ZDHHC13: variants seen among roughly 807,000 people sequenced by gnomAD.
The protein encoded by ZDHHC13 is zDHHC palmitoyltransferase 13, also known as palmitoyltransferase ZDHHC13.
In ZDHHC13, 85 loss-of-function variants were observed where a neutral mutation model predicts 86.0. The observed-to-expected ratio is 0.99, with a 90% CI of 0.83 to 1.18. The LOEUF is 1.18. Among genes scored for constraint, ZDHHC13 ranks in the 50% most tolerant of loss-of-function variants. The pLI is 0.00. For synonymous variants in ZDHHC13, 263 were observed against 246.4 expected (o/e 1.07, Z -0.63); for missense variants, 711 against 730.2 (o/e 0.97, Z 0.30).
chr11:19,124,425 C>T (rs1848826810), intron 1 of ZDHHC13, among the ~76,000 whole-genome samples: 1 of 151,872 alleles, frequency 6.6e-6, no homozygotes, highest in Non-Finnish European at 1.5e-5. Flanking sequence ...AGGAAAGAGT[C>T]CGGATTGTTA....
In ZDHHC13 at chr11:19,152,290, T is replaced by C. The variant is rs1464008001; in HGVS notation, c.717T>C (p.Ala239=). The C allele has an allele frequency of 6.2e-7, 1 of 1,613,188 alleles. No homozygotes were observed. The highest frequency in any genetic ancestry group is 1.7e-5 in the Admixed American group (1 of 59,958). The change falls in exon 7 of 17, where the codon GCT becomes GCC. Residue 239 remains alanine (A), a synonymous_variant. Transcript: ENST00000446113. The part of the protein sequence containing the change: ...NVNAVDKLLE[A]GSSLDIQNVK... Reference sequence around the variant, plus strand: ...ATGCAGTTGATAAGCTTTTGGAAGCTGGTTCTAGCCTGGATATCCAGAATG... The same window carrying C: ...ATGCAGTTGATAAGCTTTTGGAAGCCGGTTCTAGCCTGGATATCCAGAATG...
intron 1 of ZDHHC13, among the ~76,000 whole-genome samples, chr11:19,140,672 T>C (rs906928889): frequency 6.6e-6 from 1 of 152,004 alleles, no homozygotes; most frequent in African/African-American, 2.4e-5. Flanking sequence ...AACCCAAATG[T>C]CCAACAATGA....
chr11:19,150,852 T>G, intron 6 of ZDHHC13, 61 bp downstream of exon 6: 1 of 1,494,616 alleles, frequency 6.7e-7, no homozygotes, highest in Non-Finnish European at 9.3e-7. Context: ...TTTCTGTGTA[T>G]GTAATTTTAA....
chr11:19,175,268 T>C (rs1850328430), intron 16 of ZDHHC13, among the ~76,000 whole-genome samples: 1 of 151,480 alleles, frequency 6.6e-6, no homozygotes, highest in South Asian at 2.1e-4. Flanking sequence ...TGGGCGCCTA[T>C]AGTCCCAGCT....
chr11:19,134,142 A>C (rs904984141), intron 1 of ZDHHC13, among the ~76,000 whole-genome samples: 3 of 151,958 alleles, frequency 2.0e-5, no homozygotes. Flanking sequence ...AATTTCTGAT[A>C]CATTTATTTA....
chr11:19,129,660 T>C (rs937491254), intron 1 of ZDHHC13, among the ~76,000 whole-genome samples: 6 of 152,174 alleles, frequency 3.9e-5, no homozygotes, highest in Admixed American at 3.9e-4. Flanking sequence ...GTATAGTCTT[T>C]TTTATATATT....
chr11:19,149,305 A>G lies in ZDHHC13; in HGVS notation c.493A>G (p.Ile165Val). Residue 165 changes from isoleucine (I) to valine (V), a missense_variant, in exon 5 of 17, where the codon ATA becomes GTA. Coordinates refer to ENST00000446113, the MANE Select transcript of ZDHHC13 (RefSeq NM_019028.3). Reference protein sequence around the residue: ...LAVLFQHMPIIAYLISKGQSV... With the variant: ...LAVLFQHMPIVAYLISKGQSV... ...AGTATTGTTTCAACACATGCCTATT[A>G]TAGCATATCTCATCTCAAAGGGACA... 6.2e-7 allele frequency: 1 copy of G among 1,602,428 alleles called. No homozygotes were observed.
chr11:19,152,544 C>G lies in ZDHHC13; in HGVS notation c.748-15C>G. 1 of 1,584,896 alleles carries G rather than the reference C, an allele frequency of 6.3e-7. No homozygotes were observed. ...TAAAAATACTTTTAAACTTTTTACCCTACTCTTTTTTAAGGGAGAAACACC... is the reference window on the plus strand; with the variant it reads ...TAAAAATACTTTTAAACTTTTTACCGTACTCTTTTTTAAGGGAGAAACACC... On this transcript the variant is annotated splice_polypyrimidine_tract_variant and intron_variant, in intron 7 of 16. Transcript: ENST00000446113.
In ZDHHC13 at chr11:19,165,364, A is replaced by G. The variant is rs545389935; in HGVS notation, c.1390+219A>G. Among the ~76,000 whole-genome samples the G allele has an allele frequency of 1.1e-3, 169 of 152,314 alleles. 1 individual carries two copies. Among genetic ancestry groups the G allele is most frequent in the African/African-American group, 4.1e-3 (169 of 41,558 alleles). On this transcript the variant is annotated intron_variant, in intron 13 of 16. Coordinates refer to ENST00000446113, the MANE Select transcript of ZDHHC13 (RefSeq NM_019028.3). Reference sequence around the variant, plus strand: ...CAGGCCTGTGAAGTAGACAGAAAAAATATTATCTCCATATTACTTGTAAAA... The same window carrying G: ...CAGGCCTGTGAAGTAGACAGAAAAAGTATTATCTCCATATTACTTGTAAAA...
At position 19,145,141 on chromosome 11, in the gene ZDHHC13, G is replaced by A. The variant is rs79007696; in HGVS notation, c.174-1040G>A. Among the ~76,000 whole-genome samples, 1,043 of 151,896 alleles carry A rather than the reference G, an allele frequency of 6.9e-3. 9 individuals are homozygous for A. The highest frequency in any genetic ancestry group is 0.024 in the African/African-American group (985 of 41,416). ...AAAAAATATTGCTAATAAATGATTT[G>A]CCTCTTTATTCTCTATGAAATATGT... is the stretch of plus-strand genomic sequence containing the variant. On this transcript the variant is annotated intron_variant, in intron 2 of 16. Coordinates refer to ENST00000446113, the MANE Select transcript of ZDHHC13 (RefSeq NM_019028.3).
intron 1 of ZDHHC13, among the ~76,000 whole-genome samples, chr11:19,126,342 CTT>C (rs10629803): frequency 7.4e-6 from 1 of 135,564 alleles, no homozygotes; most frequent in Non-Finnish European, 1.5e-5. Flanking sequence ...TTTTCTTTTT[CTT>C]TTTTTTTTTT....
At chr11:19,151,312 T>A (rs1403415168) in intron 6 of ZDHHC13, among the ~76,000 whole-genome samples, 1 of 152,066 alleles carries the variant, frequency 6.6e-6, no homozygotes, top group African/African-American at 2.4e-5. Flanking sequence ...AAACACATGA[T>A]TAATGACCAC....
At chr11:19,145,973 G>T (rs889666217) in intron 2 of ZDHHC13, among the ~76,000 whole-genome samples, 1 of 152,182 alleles carries the variant, frequency 6.6e-6, no homozygotes, top group African/African-American at 2.4e-5. Flanking sequence ...ACTCCAAAGA[G>T]ATTAATCTGA....
chr11:19,154,816 T>C (rs74364373), intron 8 of ZDHHC13, among the ~76,000 whole-genome samples: 3,374 of 152,296 alleles, frequency 0.022, 99 homozygotes, highest in East Asian at 0.13. Flanking sequence ...TTATTTTTGG[T>C]GACTTTGCTT....
At chr11:19,152,739 G>A (rs1849648145) in intron 8 of ZDHHC13, 55 bp downstream of exon 8, 1 of 1,607,890 alleles carries the variant, frequency 6.2e-7, no homozygotes, top group African/African-American at 1.3e-5. Flanking sequence ...TGTTCATTTG[G>A]TTTTGTTTAT....
intron 9 of ZDHHC13, among the ~76,000 whole-genome samples, chr11:19,157,251 C>T (rs542431499): frequency 1.3e-5 from 2 of 152,286 alleles, no homozygotes; most frequent in African/African-American, 4.8e-5. Context: ...CTTGTCTCTG[C>T]TGTTAAACAT....
chr11:19,141,072 TA>T lies in ZDHHC13; in HGVS notation c.28-1894del, dbSNP rs1030853735. On this transcript the variant is annotated intron_variant, in intron 1 of 16. Coordinates refer to ENST00000446113, the MANE Select transcript of ZDHHC13 (RefSeq NM_019028.3). ...CTAAAACTTTAAAGTAGTATAATAA[TA>T]AAAAAAAAAAAGAAAAAAAAGTACT... Among the ~76,000 whole-genome samples the T allele has an allele frequency of 1.6e-3, 215 of 132,048 alleles. 1 individual carries two copies. The highest frequency in any genetic ancestry group is 2.6e-3 in the South Asian group (11 of 4,206). The allele number at this position is 132,048 out of a possible 152,430, so 86.6% of individuals were successfully genotyped here.
At chr11:19,121,014 A>G (rs1376305501) in intron 1 of ZDHHC13, among the ~76,000 whole-genome samples, 1 of 152,208 alleles carries the variant, frequency 6.6e-6, no homozygotes, top group Non-Finnish European at 1.5e-5. Context: ...GTTAGTTTAC[A>G]TGTGCAGTTG....
At chr11:19,139,596 C>G (rs1008856195) in intron 1 of ZDHHC13, among the ~76,000 whole-genome samples, 1 of 150,262 alleles carries the variant, frequency 6.7e-6, no homozygotes. Flanking sequence ...AAAAAGAGCC[C>G]GCATCGCCAA....
Sources: allele counts gnomAD v4.1 joint callset (sites outside exome capture counted in the v4.1 genomes callset), GRCh38; gene constraint gnomAD v4.1.1; transcripts MANE v1.5; gene names NCBI Gene and HGNC (gene_info 2026-07-23, HGNC 2026-07-21).